Variants in PHKA1 observed in about 807,000 individuals in gnomAD.
PHKA1 encodes the protein phosphorylase kinase regulatory subunit alpha 1, also known as phosphorylase b kinase regulatory subunit alpha, skeletal muscle isoform.
A neutral mutation model predicts 110.2 loss-of-function variants in PHKA1; 60 were observed. The observed-to-expected ratio is 0.54, with a 90% CI of 0.44 to 0.68. PHKA1 has a LOEUF of 0.68. Ranked by LOEUF, PHKA1 falls within the 30% of genes least tolerant of loss-of-function variation. The pLI, the probability that PHKA1 is intolerant of heterozygous loss-of-function variation, is 0.00. For synonymous variants in PHKA1, 316 were observed against 333.6 expected, an observed-to-expected ratio of 0.95 and a Z score of 0.58; for missense variants, 801 against 942.5, an observed-to-expected ratio of 0.85 and a Z score of 1.97.
At chrX:72,613,684 CA>C (rs1308269603) in intron 21 of PHKA1, among the ~76,000 whole-genome samples, 6 of 111,566 alleles carry the variant, frequency 5.4e-5, no homozygotes, top group Non-Finnish European at 1.1e-4. Flanking sequence ...TTTTTAATTA[CA>C]AAAGATGACA....
At chrX:72,711,077 G>A (rs2054373766) in intron 2 of PHKA1, among the ~76,000 whole-genome samples, 1 of 107,964 alleles carries the variant, frequency 9.3e-6, no homozygotes, top group Non-Finnish European at 1.9e-5. Context: ...TAGCCAGGAT[G>A]GTCTCGATCT....
chrX:72,587,421 C>T (rs781999962), intron 29 of PHKA1, among the ~76,000 whole-genome samples: 2 of 111,782 alleles, frequency 1.8e-5, no homozygotes, highest in South Asian at 3.8e-4. Flanking sequence ...CTTACAAGAG[C>T]TCCTGAAGGA....
At chrX:72,631,358 C>T (rs991079720) in intron 16 of PHKA1, among the ~76,000 whole-genome samples, 10 of 111,089 alleles carry the variant, frequency 9.0e-5, no homozygotes, top group African/African-American at 1.6e-4. Context: ...TACTTTTGGG[C>T]GAGGATGAAA....
At chrX:72,622,599 G>C in intron 18 of PHKA1, 1 of 753,631 alleles carries the variant, frequency 1.3e-6, no homozygotes, top group Non-Finnish European at 1.6e-6. Context: ...GTTTGACTTA[G>C]TTGTATTTGC....
At chrX:72,653,619 T>C in intron 10 of PHKA1, 89 bp from the exon 11 acceptor site, 1 of 573,728 alleles carries the variant, frequency 1.7e-6, no homozygotes, top group Middle Eastern at 4.6e-4. Context: ...AAGGTCCTAT[T>C]GCAAAGGAGC....
chrX:72,685,726 A>G (rs2053959746), intron 4 of PHKA1, among the ~76,000 whole-genome samples: 1 of 112,184 alleles, frequency 8.9e-6, no homozygotes, highest in African/African-American at 3.2e-5. Context: ...CTAAGAAATC[A>G]TTTCAGAATT....
chrX:72,642,813 A>G (rs1556296048), intron 14 of PHKA1, among the ~76,000 whole-genome samples: 1 of 111,834 alleles, frequency 8.9e-6, no homozygotes, highest in African/African-American at 3.2e-5. Flanking sequence ...TCTGAGACAT[A>G]TTCAACAAAT....
intron 3 of PHKA1, among the ~76,000 whole-genome samples, chrX:72,702,778 G>A (rs1219763296): frequency 9.0e-6 from 1 of 111,638 alleles, no homozygotes. Flanking sequence ...GGATGTGAAA[G>A]GAAAATAACT....
In PHKA1 at chrX:72,603,201, G is replaced by T. The variant is rs782455291; in HGVS notation, c.2835C>A (p.Gly945=). 1.2e-5 allele frequency: 14 copies of T among 1,195,579 alleles called. No homozygotes were observed. The African/African-American group carries it at 2.1e-4, about 18-fold the overall frequency. Residue 945 remains glycine (G), a synonymous_variant, in exon 26 of 32, where the codon GGC becomes GGA. Coordinates refer to ENST00000373542, the MANE Select transcript of PHKA1 (RefSeq NM_002637.4). ...TGGCCGAAGGACTGAGATTCATCAG[G>T]CCCTCTGTGGCTTCCTCAGCTAGTC... ...LRCSAEEATE[G]LMNLSPSAMK...
intron 2 of PHKA1, among the ~76,000 whole-genome samples, 177 bp downstream of exon 2, chrX:72,712,602 T>C (rs1220589698): frequency 9.0e-6 from 1 of 111,303 alleles, no homozygotes; most frequent in Non-Finnish European, 1.9e-5. Context: ...AGAATACCAC[T>C]TCAGTACAAT....
intron 8 of PHKA1, among the ~76,000 whole-genome samples, chrX:72,665,349 T>C (rs1245032893): frequency 1.8e-5 from 2 of 111,179 alleles, no homozygotes; most frequent in African/African-American, 3.3e-5. Flanking sequence ...CAAGAAGAAA[T>C]AGAAAACCTG....
intron 5 of PHKA1, among the ~76,000 whole-genome samples, chrX:72,682,346 CAG>C: frequency 1.9e-5 from 2 of 105,069 alleles, no homozygotes; most frequent in East Asian, 3.2e-4. Flanking sequence ...GTGGGGGGGT[CAG>C]CCCCCTGCCC....
In PHKA1 at chrX:72,581,192, G is replaced by A. The variant is rs1556201316; in HGVS notation, c.3499-17C>T. 1 of 1,118,360 alleles carries A rather than the reference G, an allele frequency of 8.9e-7. No individual in the cohort carries two copies. The highest frequency in any genetic ancestry group is 3.0e-5 in the East Asian group (1 of 33,449). The allele number at this position is 1,118,360 out of a possible 1,213,427, so 92.2% of individuals were successfully genotyped here. ...AAGGGTTTTCTGTTTGGTTTTTAAG[G>A]GTAGAAGAACATAGGGGAAAGGAAA... On this transcript the variant is annotated splice_polypyrimidine_tract_variant and intron_variant, in intron 31 of 31. Transcript: ENST00000373542.
At chrX:72,700,493 AAT>A (rs2054191851) in intron 3 of PHKA1, among the ~76,000 whole-genome samples, 1 of 111,944 alleles carries the variant, frequency 8.9e-6, no homozygotes, top group Non-Finnish European at 1.9e-5. Flanking sequence ...TATTTGTATA[AAT>A]ATGTTATTGG....
intron 4 of PHKA1, among the ~76,000 whole-genome samples, chrX:72,693,050 C>G (rs1324389477): frequency 9.1e-6 from 1 of 109,304 alleles, no homozygotes; most frequent in Non-Finnish European, 1.9e-5. Context: ...TCATTTAGCT[C>G]AAAGTATTTT....
chrX:72,605,617 G>C lies in PHKA1; in HGVS notation c.2609C>G (p.Pro870Arg), dbSNP rs781863617. 1 of 1,190,852 alleles carries C rather than the reference G, an allele frequency of 8.4e-7. No individual in the cohort carries two copies. The highest frequency in any genetic ancestry group is 1.1e-6 in the Non-Finnish European group (1 of 876,791). Residue 870 changes from proline (P) to arginine (R), a missense_variant and splice_region_variant, in exon 24 of 32, where the codon CCT (proline) becomes CGT (arginine). This residue lies in a region of PHKA1 where 502 missense variants were observed against 519.2 expected (regional missense o/e 0.97). Transcript: ENST00000373542. ...PEPREKTISAPLPYEALTQLI... is the reference protein window; with the variant it reads ...PEPREKTISARLPYEALTQLI... ...CTGAGTGAGCGCCTCATAGGGCAGA[G>C]GTCTAAGGAAAAAGACAGCAAAGAA...
intron 8 of PHKA1, among the ~76,000 whole-genome samples, chrX:72,664,902 T>G (rs2053600973): frequency 9.0e-6 from 1 of 110,966 alleles, no homozygotes; most frequent in African/African-American, 3.3e-5. Context: ...CCAAAACCTG[T>G]GGGATACAGC....
intron 8 of PHKA1, among the ~76,000 whole-genome samples, chrX:72,664,453 G>A (rs1166529414): frequency 9.0e-6 from 1 of 111,448 alleles, no homozygotes; most frequent in Non-Finnish European, 1.9e-5. Context: ...GATCTAAAAG[G>A]AGAGTTAGAC....
chrX:72,640,915 T>C (rs1446251045), intron 14 of PHKA1, among the ~76,000 whole-genome samples: 3 of 111,355 alleles, frequency 2.7e-5, no homozygotes, highest in Non-Finnish European at 5.7e-5. Flanking sequence ...GAAATATATA[T>C]AAGTCTCACT....
Sources: allele counts gnomAD v4.1 joint callset (sites outside exome capture counted in the v4.1 genomes callset), GRCh38; gene constraint gnomAD v4.1.1; regional missense constraint gnomAD v4.1.1; transcripts MANE v1.5; gene names NCBI Gene and HGNC (gene_info 2026-07-23, HGNC 2026-07-21).